The following KCNH1 variants were observed in gnomAD, a reference collection of about 807,000 sequenced individuals.
KCNH1 encodes potassium voltage-gated channel subfamily H member 1, also known as voltage-gated delayed rectifier potassium channel KCNH1.
In KCNH1, 27 loss-of-function variants were observed where a neutral mutation model predicts 69.2. The ratio of observed to expected loss-of-function variants is 0.39; its 90% CI spans 0.29 to 0.54. The LOEUF is 0.54. Among genes scored for constraint, KCNH1 ranks in the 20% least tolerant of loss-of-function variants. The pLI is 0.68. For synonymous variants in KCNH1, 456 were observed against 487.7 expected (o/e 0.93, Z 0.86); for missense variants, 798 against 1,261.6 (o/e 0.63, Z 5.57).
chr1:210,714,016 A>T (rs993761867), intron 10 of KCNH1, among the ~76,000 whole-genome samples: 1 of 152,072 alleles, frequency 6.6e-6, no homozygotes, highest in African/African-American at 2.4e-5. Context: ...GAATATCGAC[A>T]TTTTTTTCTA....
intron 4 of KCNH1, among the ~76,000 whole-genome samples, chr1:211,086,092 G>A (rs935894103): frequency 6.6e-6 from 1 of 152,164 alleles, no homozygotes. Context: ...AGACTCAGAG[G>A]CTCTATCGCA....
At chr1:210,707,852 C>T (rs1681951551) in intron 10 of KCNH1, among the ~76,000 whole-genome samples, 1 of 152,168 alleles carries the variant, frequency 6.6e-6, no homozygotes, top group African/African-American at 2.4e-5. Flanking sequence ...CCCTTCCTCC[C>T]TCCCAATTCA....
intron 6 of KCNH1, among the ~76,000 whole-genome samples, chr1:210,991,209 T>C (rs374430800): frequency 1.3e-5 from 2 of 152,196 alleles, no homozygotes; most frequent in African/African-American, 4.8e-5. Flanking sequence ...TCAAGCTAAG[T>C]GTCCATGGTT....
At chr1:211,096,443 G>A (rs2102477981) in intron 3 of KCNH1, among the ~76,000 whole-genome samples, 1 of 152,184 alleles carries the variant, frequency 6.6e-6, no homozygotes, top group East Asian at 1.9e-4. Flanking sequence ...CATTTCACAT[G>A]GCTGTTTGAA....
intron 10 of KCNH1, among the ~76,000 whole-genome samples, chr1:210,766,081 A>C (rs1683625126): frequency 6.6e-6 from 1 of 152,094 alleles, no homozygotes; most frequent in African/African-American, 2.4e-5. Context: ...AGAAGAAAAA[A>C]AGAATGTATA....
intron 5 of KCNH1, among the ~76,000 whole-genome samples, chr1:211,019,986 T>C (rs1689560742): frequency 6.6e-6 from 1 of 151,952 alleles, no homozygotes; most frequent in Non-Finnish European, 1.5e-5. Context: ...CAAAAACCTA[T>C]GGGATACAGC....
chr1:211,055,271 G>T (rs1434227090), intron 5 of KCNH1, among the ~76,000 whole-genome samples: 1 of 152,212 alleles, frequency 6.6e-6, no homozygotes, highest in East Asian at 1.9e-4. Context: ...AAAACACAGT[G>T]ATTGTGGGAC....
chr1:211,008,186 G>A (rs1360551505), intron 6 of KCNH1, among the ~76,000 whole-genome samples: 1 of 152,174 alleles, frequency 6.6e-6, no homozygotes, highest in Non-Finnish European at 1.5e-5. Context: ...TAAACAAAAT[G>A]TGGTATATAC....
intron 7 of KCNH1, among the ~76,000 whole-genome samples, chr1:210,869,287 T>A (rs1266096852): frequency 6.6e-6 from 1 of 152,174 alleles, no homozygotes; most frequent in East Asian, 1.9e-4. Flanking sequence ...TGCTTGGATC[T>A]ATGAGTTTAT....
chr1:210,739,674 C>A (rs1200862957), intron 10 of KCNH1, among the ~76,000 whole-genome samples: 1 of 152,226 alleles, frequency 6.6e-6, no homozygotes, highest in Non-Finnish European at 1.5e-5. Flanking sequence ...CTCACTGATA[C>A]CTTTTTCAGC....
intron 6 of KCNH1, among the ~76,000 whole-genome samples, chr1:210,992,823 T>TC (rs1306654211): frequency 2.0e-5 from 3 of 152,236 alleles, no homozygotes; most frequent in African/African-American, 7.2e-5. Flanking sequence ...TCTTTATGCT[T>TC]TCCCTTAATG....
chr1:210,988,206 G>A (rs951334448), intron 6 of KCNH1, among the ~76,000 whole-genome samples: 2 of 152,180 alleles, frequency 1.3e-5, no homozygotes, highest in Non-Finnish European at 2.9e-5. Context: ...CTAGGAAAGG[G>A]AATTCCCTGA....
chr1:210,752,113 A>G lies in KCNH1; in HGVS notation c.2112+23235T>C, dbSNP rs114009896. ...TGGGGCAAAGGTATCAGGCAAAAGA[A>G]TGAAGATACAATCTGAACTGCAACT... On this transcript the variant is annotated intron_variant, in intron 10 of 10. Transcript: ENST00000271751. Among the ~76,000 whole-genome samples, 1,168 of 152,326 alleles carry G rather than the reference A, an allele frequency of 7.7e-3. 20 individuals are homozygous for G. Among genetic ancestry groups the G allele is most frequent in the African/African-American group, 0.027 (1,126 of 41,584 alleles).
intron 5 of KCNH1, among the ~76,000 whole-genome samples, chr1:211,033,001 C>G (rs1689818841): frequency 6.6e-6 from 1 of 151,948 alleles, no homozygotes; most frequent in South Asian, 2.1e-4. Flanking sequence ...AACATTTTTG[C>G]AATCTACTCA....
intron 7 of KCNH1, among the ~76,000 whole-genome samples, chr1:210,844,605 A>C (rs1384192357): frequency 7.9e-5 from 12 of 152,210 alleles, no homozygotes; most frequent in South Asian, 2.1e-4. Context: ...TATAGCACTA[A>C]ATGCCCACAG....
chr1:210,796,154 CAA>C (rs34606473), intron 9 of KCNH1, among the ~76,000 whole-genome samples: 2 of 134,138 alleles, frequency 1.5e-5, no homozygotes, highest in Admixed American at 7.6e-5. Context: ...GATTCCGTCT[CAA>C]AAAAAAAAAA....
chr1:210,905,682 C>A (rs1056490305), intron 7 of KCNH1, among the ~76,000 whole-genome samples: 3 of 151,964 alleles, frequency 2.0e-5, no homozygotes, highest in African/African-American at 7.2e-5. Flanking sequence ...AACTGGCCTA[C>A]CCTCTCGGTG....
intron 5 of KCNH1, among the ~76,000 whole-genome samples, chr1:211,033,914 T>TA (rs1558576357): frequency 5.6e-5 from 8 of 143,800 alleles, no homozygotes; most frequent in African/African-American, 2.0e-4. Flanking sequence ...TAAAGTATAA[T>TA]CAAAAAAAAA....
chr1:211,116,880 C>T (rs556121640), intron 1 of KCNH1, among the ~76,000 whole-genome samples: 1 of 152,318 alleles, frequency 6.6e-6, no homozygotes, highest in African/African-American at 2.4e-5. Context: ...CCACTATCTT[C>T]TCTAATCCAA....
Sources: gnomAD v4.1 joint callset for allele counts (sites outside exome capture counted in the v4.1 genomes callset) on GRCh38, gnomAD v4.1.1 for gene constraint, MANE v1.5 for transcripts, NCBI Gene and HGNC (gene_info 2026-07-23, HGNC 2026-07-21) for gene names.